The following NDP variants were observed in gnomAD, a reference collection of about 807,000 sequenced individuals.
NDP encodes norrin.
Under a neutral mutation model 8.4 loss-of-function variants are expected in NDP, and 2 were observed. That is an observed-to-expected ratio of 0.24 (90% confidence interval 0.10 to 0.75). The LOEUF is 0.75. Among genes scored for constraint, NDP ranks in the 30% least tolerant of loss-of-function variants. NDP has a pLI of 0.73. For synonymous variants in NDP, 55 were observed against 45.6 expected (o/e 1.21, Z -0.83); for missense variants, 81 against 110.1 (o/e 0.74, Z 1.18).
At position 43,958,735 on chromosome X, in the gene NDP, C is replaced by A; in HGVS notation, c.-90G>T. The A allele has an allele frequency of 2.5e-6, 2 of 814,777 alleles. No individual in the cohort carries two copies. The allele number at this position is 814,777 out of a possible 1,213,427, so 67.1% of individuals were successfully genotyped here. A position where few individuals can be genotyped will look rare whatever the true frequency, so the allele number is the denominator to read the frequency against. ...GGCTTCACCTCCTAGGATCCAGTCC[C>A]GTTCAAGGAAAGGGCAGGATCGGGC... On this transcript the variant is annotated 5_prime_UTR_variant, in exon 2 of 3. Coordinates refer to ENST00000642620, the MANE Select transcript of NDP (RefSeq NM_000266.4).
At chrX:43,965,573 G>A (rs1432855256) in intron 1 of NDP, among the ~76,000 whole-genome samples, 3 of 111,614 alleles carry the variant, frequency 2.7e-5, no homozygotes, top group Admixed American at 9.5e-5. Flanking sequence ...GAGAAGAAAG[G>A]CTAATATTAA....
chrX:43,950,639 C>T (rs1374874016), intron 2 of NDP, among the ~76,000 whole-genome samples: 2 of 111,030 alleles, frequency 1.8e-5, no homozygotes, highest in Admixed American at 1.9e-4. Flanking sequence ...CCTGAAATCA[C>T]ACTTCTGGGT....
At chrX:43,957,341 T>A (rs1246039347) in intron 2 of NDP, among the ~76,000 whole-genome samples, 1 of 111,340 alleles carries the variant, frequency 9.0e-6, no homozygotes, top group Non-Finnish European at 1.9e-5. Context: ...TACTCCATTT[T>A]TTTTTGGTTC....
Position 43,949,756 on chromosome X carries a change from C to T in NDP, c.*43G>A. ...GTCTTTCCCTGGCTGGTCGAACTGCCTCTACAGTTGTCCCATCCAGAAGCC... is the reference window on the plus strand; with the variant it reads ...GTCTTTCCCTGGCTGGTCGAACTGCTTCTACAGTTGTCCCATCCAGAAGCC... On this transcript the variant is annotated 3_prime_UTR_variant, in exon 3 of 3. Coordinates refer to ENST00000642620, the MANE Select transcript of NDP (RefSeq NM_000266.4). 1 of 1,127,955 alleles carries T rather than the reference C, an allele frequency of 8.9e-7. No individual in the cohort carries two copies. Among genetic ancestry groups the T allele is most frequent in the East Asian group, 3.3e-5 (1 of 30,592 alleles). The allele number at this position is 1,127,955 out of a possible 1,213,427, so 93.0% of individuals were successfully genotyped here. A position where few individuals can be genotyped will look rare whatever the true frequency, so the allele number is the denominator to read the frequency against.
intron 2 of NDP, among the ~76,000 whole-genome samples, chrX:43,953,607 T>C (rs2035775055): frequency 8.9e-6 from 1 of 112,770 alleles, no homozygotes; most frequent in African/African-American, 3.2e-5. Context: ...GCACTTGCAA[T>C]GTGAGTTATT....
intron 1 of NDP, among the ~76,000 whole-genome samples, chrX:43,970,623 T>G (rs1406383194): frequency 9.0e-6 from 1 of 111,388 alleles, no homozygotes; most frequent in Non-Finnish European, 1.9e-5. Flanking sequence ...GGGAAGAGTT[T>G]CCAACAGCTT....
At chrX:43,955,958 A>G (rs780211828) in intron 2 of NDP, among the ~76,000 whole-genome samples, 33 of 112,247 alleles carry the variant, frequency 2.9e-4, no homozygotes, top group Non-Finnish European at 5.6e-4. Flanking sequence ...CTTCTATGTG[A>G]TGGCTCCTAC....
At chrX:43,959,573 T>C (rs1159829176) in intron 1 of NDP, among the ~76,000 whole-genome samples, 1 of 111,937 alleles carries the variant, frequency 8.9e-6, no homozygotes, top group Non-Finnish European at 1.9e-5. Context: ...AGAAAGCAGT[T>C]GTTGGAACAG....
intron 1 of NDP, among the ~76,000 whole-genome samples, chrX:43,972,859 A>G (rs752565855): frequency 2.7e-5 from 3 of 112,743 alleles, no homozygotes; most frequent in African/African-American, 9.7e-5. Flanking sequence ...ATAAAAGTAA[A>G]CAGTGCGCTT....
At chrX:43,954,366 C>T (rs2035780187) in intron 2 of NDP, 1 of 111,194 alleles carries the variant, frequency 9.0e-6, no homozygotes, top group Admixed American at 9.6e-5. Context: ...CTCACTCCAA[C>T]TAGAAACTGG....
At chrX:43,952,191 AG>A (rs2035767199) in intron 2 of NDP, among the ~76,000 whole-genome samples, 1 of 111,400 alleles carries the variant, frequency 9.0e-6, no homozygotes, top group Non-Finnish European at 1.9e-5. Context: ...GCCATAGGTC[AG>A]TAGTACACAG....
chrX:43,970,570 T>C (rs1463607159), intron 1 of NDP, among the ~76,000 whole-genome samples: 1 of 111,348 alleles, frequency 9.0e-6, no homozygotes, highest in Non-Finnish European at 1.9e-5. Context: ...TACTGGGTTA[T>C]TTGAAAGCAA....
At chrX:43,950,200 T>C (rs968483575) in intron 2 of NDP, 174 bp from the exon 3 acceptor site, 2 of 470,263 alleles carry the variant, frequency 4.3e-6, no homozygotes, top group Non-Finnish European at 3.7e-6. Flanking sequence ...TTCAGATCGA[T>C]TGAATTAAAA....
intron 1 of NDP, among the ~76,000 whole-genome samples, chrX:43,964,148 A>G (rs1371785068): frequency 9.0e-6 from 1 of 111,667 alleles, no homozygotes; most frequent in Non-Finnish European, 1.9e-5. Flanking sequence ...AAAAGACAAC[A>G]TTCTTGTGAT....
chrX:43,953,159 C>CACACACACACACACACACACACA (rs2035772463), intron 2 of NDP, among the ~76,000 whole-genome samples: 1 of 110,926 alleles, frequency 9.0e-6, no homozygotes, highest in African/African-American at 3.3e-5. Flanking sequence ...CACACACACA[C>CACACACACACACACACACACACA]TCCTAGAAGG....
intron 1 of NDP, among the ~76,000 whole-genome samples, chrX:43,963,643 T>C (rs752459519): frequency 5.4e-5 from 6 of 111,763 alleles, no homozygotes; most frequent in Non-Finnish European, 9.4e-5. Flanking sequence ...CATACAGTAC[T>C]AGGATCAGAA....
intron 1 of NDP, among the ~76,000 whole-genome samples, chrX:43,969,221 C>T (rs1569247830): frequency 8.9e-6 from 1 of 112,155 alleles, no homozygotes; most frequent in East Asian, 2.8e-4. Context: ...TAGTTCGGAT[C>T]AACCCAGAAT....
Position 43,958,784 on chromosome X carries a change from C to A in NDP, c.-139G>T. The A allele has an allele frequency of 1.9e-6, 1 of 538,434 alleles. No individual in the cohort carries two copies. The highest frequency in any genetic ancestry group is 3.2e-6 in the Non-Finnish European group (1 of 312,005). The allele number at this position is 538,434 out of a possible 1,213,427, so 44.4% of individuals were successfully genotyped here. A position where few individuals can be genotyped will look rare whatever the true frequency, so the allele number is the denominator to read the frequency against. On this transcript the variant is annotated 5_prime_UTR_variant, in exon 2 of 3. Transcript: ENST00000642620. ...GCTGAAGCTTTCTGGTTGTCATTGT[C>A]CTTTATGTGCTGGAGTTTTGTCTTA... is the stretch of plus-strand genomic sequence containing the variant.
chrX:43,958,756 C>A lies in NDP; in HGVS notation c.-111G>T, dbSNP rs45501198. The stretch of plus-strand genomic sequence containing the variant: ...GTCCCGTTCAAGGAAAGGGCAGGAT[C>A]GGGCTGAAGCTTTCTGGTTGTCATT... On this transcript the variant is annotated 5_prime_UTR_variant, in exon 2 of 3. Transcript: ENST00000642620. 0.017 allele frequency: 10,909 copies of A among 659,222 alleles called. 95 individuals are homozygous for A. The highest frequency in any genetic ancestry group is 0.04 in the Middle Eastern group (86 of 2,176). 54.3% of individuals were successfully genotyped at this position (659,222 alleles called of 1,213,427 possible).
Sources: gnomAD v4.1 joint callset for allele counts (sites outside exome capture counted in the v4.1 genomes callset) on GRCh38, gnomAD v4.1.1 for gene constraint, MANE v1.5 for transcripts, NCBI Gene and HGNC (gene_info 2026-07-23, HGNC 2026-07-21) for gene names.